The following ZNRF3 variants were observed in gnomAD, a reference collection of about 807,000 sequenced individuals.
The protein encoded by ZNRF3 is E3 ubiquitin-protein ligase ZNRF3.
In ZNRF3, 23 loss-of-function variants were observed where a neutral mutation model predicts 72.5. The observed-to-expected ratio is 0.32, with a 90% CI of 0.23 to 0.45. The LOEUF is 0.45. Among genes scored for constraint, ZNRF3 ranks in the 20% least tolerant of loss-of-function variants. ZNRF3 has a pLI of 1.00. For synonymous variants in ZNRF3, 610 were observed against 545.3 expected (o/e 1.12, Z -1.65); for missense variants, 1,169 against 1,272.1 (o/e 0.92, Z 1.23).
At chr22:28,964,879 T>C (rs1471045033) in intron 1 of ZNRF3, among the ~76,000 whole-genome samples, 2 of 152,366 alleles carry the variant, frequency 1.3e-5, no homozygotes, top group South Asian at 2.1e-4. Flanking sequence ...GGCTACTCTT[T>C]CTTTTGCTGT....
At position 29,050,953 on chromosome 22, in the gene ZNRF3, G is replaced by A; in HGVS notation, c.2767+5G>A. ...CCACTGCCACTGAGGCTGCAGGTGAGAGCAGGAAATGGCAGTAGGTCAGAG... is the reference window on the plus strand; with the variant it reads ...CCACTGCCACTGAGGCTGCAGGTGAAAGCAGGAAATGGCAGTAGGTCAGAG... On this transcript the variant is annotated splice_donor_5th_base_variant and intron_variant, in intron 8 of 8. Transcript: ENST00000544604. 4.0e-6 allele frequency: 6 copies of A among 1,506,598 alleles called. No homozygotes were observed. The highest frequency in any genetic ancestry group is 5.3e-6 in the Non-Finnish European group (6 of 1,135,460). The allele number at this position is 1,506,598 out of a possible 1,614,324, so 93.3% of individuals were successfully genotyped here. A position where few individuals can be genotyped will look rare whatever the true frequency, so the allele number is the denominator to read the frequency against.
intron 8 of ZNRF3, among the ~76,000 whole-genome samples, chr22:29,052,991 A>T (rs771491791): frequency 2.6e-5 from 4 of 152,108 alleles, no homozygotes; most frequent in Non-Finnish European, 5.9e-5. Flanking sequence ...AAATGTTAGC[A>T]TCTCACTCAG....
intron 1 of ZNRF3, among the ~76,000 whole-genome samples, chr22:28,979,333 A>T (rs1313749414): frequency 6.6e-6 from 1 of 152,006 alleles, no homozygotes; most frequent in Non-Finnish European, 1.5e-5. Context: ...AAAATTTGAG[A>T]CTTGCTTTTT....
At chr22:29,012,747 T>G (rs2036367248) in intron 2 of ZNRF3, among the ~76,000 whole-genome samples, 1 of 152,204 alleles carries the variant, frequency 6.6e-6, no homozygotes, top group Non-Finnish European at 1.5e-5. Context: ...TACACATTTT[T>G]TAGTCTTAAC....
Position 28,928,739 on chromosome 22 carries a change from G to A in ZNRF3, c.300+44673G>A, listed in dbSNP as rs577859769. Among the ~76,000 whole-genome samples, 8 of 151,614 alleles carry A rather than the reference G, an allele frequency of 5.3e-5. No individual in the cohort carries two copies. The East Asian group carries it at 1.2e-3, about 22-fold the overall frequency. Reference sequence around the variant, plus strand: ...TCTCGATCTCCTGACCTCATGATCCGCCCGCCTCGGCCTCCCAAAGTGCTG... The same window carrying A: ...TCTCGATCTCCTGACCTCATGATCCACCCGCCTCGGCCTCCCAAAGTGCTG... On this transcript the variant is annotated intron_variant, in intron 1 of 8. Transcript: ENST00000544604.
At chr22:28,899,868 T>G (rs1029951487) in intron 1 of ZNRF3, among the ~76,000 whole-genome samples, 1 of 152,164 alleles carries the variant, frequency 6.6e-6, no homozygotes, top group Non-Finnish European at 1.5e-5. Flanking sequence ...TTTGTTTATG[T>G]TTTCTAGAGA....
intron 1 of ZNRF3, among the ~76,000 whole-genome samples, chr22:28,926,605 C>T (rs937508048): frequency 2.6e-5 from 4 of 151,008 alleles, no homozygotes; most frequent in East Asian, 1.9e-4. Flanking sequence ...GTCAGGAGTT[C>T]GAGACCAGCC....
chr22:28,937,204 TATATATATATA>T (rs1254395256), intron 1 of ZNRF3, among the ~76,000 whole-genome samples: 40 of 4,170 alleles, frequency 9.6e-3, no homozygotes, highest in Admixed American at 0.014. Flanking sequence ...TATATATATA[TATATATATATA>T]TTTTTTTTTT....
At chr22:28,989,146 T>C (rs984850508) in intron 2 of ZNRF3, among the ~76,000 whole-genome samples, 10 of 152,228 alleles carry the variant, frequency 6.6e-5, no homozygotes, top group Non-Finnish European at 1.5e-4. Context: ...CATGTGGTTC[T>C]ACCTGCTTGC....
intron 1 of ZNRF3, among the ~76,000 whole-genome samples, chr22:28,905,073 C>A (rs2034181134): frequency 1.3e-5 from 2 of 151,896 alleles, no homozygotes; most frequent in African/African-American, 4.8e-5. Context: ...GTAGCTGGTA[C>A]TACAGGCACC....
chr22:28,997,070 C>G (rs755618856), intron 2 of ZNRF3, among the ~76,000 whole-genome samples: 4 of 152,098 alleles, frequency 2.6e-5, no homozygotes. Flanking sequence ...ACGGTTGGGC[C>G]GGAATCCTTG....
rs796094872 is a variant in ZNRF3 at position 28,893,500 on chromosome 22, C to CT, written c.300+9448dup. On this transcript the variant is annotated intron_variant, in intron 1 of 8. Coordinates refer to ENST00000544604, the MANE Select transcript of ZNRF3 (RefSeq NM_001206998.2). ...TTGGTAATTTTCTTTCTTTCTTTTTCTTTTTTTTTTTTTTCGAGACAAGTT... is the reference window on the plus strand; with the variant it reads ...TTGGTAATTTTCTTTCTTTCTTTTTCTTTTTTTTTTTTTTTCGAGACAAGTT... Among the ~76,000 whole-genome samples the CT allele has an allele frequency of 6.9e-3, 973 of 141,746 alleles. 10 individuals are homozygous for CT. Among genetic ancestry groups the CT allele is most frequent in the South Asian group, 0.022 (100 of 4,470 alleles). The allele number at this position is 141,746 out of a possible 152,430, so 93.0% of individuals were successfully genotyped here.
chr22:29,024,284 G>GTTTTTTTTTTTTTT (rs59532780), intron 2 of ZNRF3, among the ~76,000 whole-genome samples: 1 of 127,822 alleles, frequency 7.8e-6, no homozygotes, highest in Non-Finnish European at 1.6e-5. Context: ...GGCATTAACT[G>GTTTTTTTTTTTTTT]TTTTTTTTTT....
In ZNRF3 at chr22:29,046,809, G is replaced by T; in HGVS notation, c.838G>T (p.Gly280Trp). 1 of 1,612,016 alleles carries T rather than the reference G, an allele frequency of 6.2e-7. No individual in the cohort carries two copies. ...CAAGGGGCGCCGGGAGGGGAGCTGT[G>T]GGGCCCTGGACACACTCAGCAGCAG... is the stretch of plus-strand genomic sequence containing the variant. ...KSKGRREGSC[G>W]ALDTLSSSST... The change falls in exon 6 of 9, where the codon GGG becomes TGG. Residue 280 changes from glycine to tryptophan, a missense_variant. Gly to Trp is a radical substitution (Grantham distance 184, BLOSUM62 -2). Coordinates refer to ENST00000544604, the MANE Select transcript of ZNRF3 (RefSeq NM_001206998.2).
At chr22:29,018,691 CAG>C (rs1369023534) in intron 2 of ZNRF3, 1 of 152,314 alleles carries the variant, frequency 6.6e-6, no homozygotes, top group African/African-American at 2.4e-5. Flanking sequence ...CCGAAGACCT[CAG>C]AGAGAAGAAA....
At chr22:28,930,421 C>T (rs1395835126) in intron 1 of ZNRF3, among the ~76,000 whole-genome samples, 1 of 152,024 alleles carries the variant, frequency 6.6e-6, no homozygotes, top group African/African-American at 2.4e-5. Context: ...GCTAATAGCC[C>T]CTGCCATATT....
At position 29,048,670 on chromosome 22, in the gene ZNRF3, A is replaced by G. The variant is rs143778660; in HGVS notation, c.1015+179A>G. ...ACCCTTAGGAGAGCTTGGCATTAAG[A>G]ATCACCCTGAGTTCAAGTTTGGGCT... is the stretch of plus-strand genomic sequence containing the variant. On this transcript the variant is annotated intron_variant, in intron 7 of 8. Transcript: ENST00000544604. This position sits in a 1 kb window ranked among gnomAD's most constrained non-coding sequence, Gnocchi z 4.9. 7.3e-3 allele frequency among the ~76,000 whole-genome samples: 1,116 copies of G among 152,272 alleles called. 20 individuals carry two copies. The highest frequency in any genetic ancestry group is 0.026 in the African/African-American group (1,078 of 41,548).
chr22:29,045,760 A>C (rs2037057777), intron 5 of ZNRF3, among the ~76,000 whole-genome samples: 1 of 152,260 alleles, frequency 6.6e-6, no homozygotes, highest in Non-Finnish European at 1.5e-5. Flanking sequence ...TACAGGCGTG[A>C]GCCACCACGC....
At chr22:28,947,037 C>T (rs982399724) in intron 1 of ZNRF3, among the ~76,000 whole-genome samples, 17 of 152,172 alleles carry the variant, frequency 1.1e-4, no homozygotes, top group South Asian at 2.1e-4. Flanking sequence ...AACTAGAATG[C>T]TGCACTTCTA....
Sources: gnomAD v4.1 joint callset for allele counts (sites outside exome capture counted in the v4.1 genomes callset) on GRCh38, gnomAD v4.1.1 for gene constraint, Gnocchi (gnomAD v3.1) non-coding constraint, MANE v1.5 for transcripts, NCBI Gene and HGNC (gene_info 2026-07-23, HGNC 2026-07-21) for gene names.